The following PRIM2 variants were observed in gnomAD, a reference collection of about 807,000 sequenced individuals.
PRIM2 encodes DNA primase large subunit.
Under a neutral mutation model 67.3 loss-of-function variants are expected in PRIM2, and 39 were observed. The observed-to-expected ratio is 0.58, with a 90% confidence interval of 0.45 to 0.76. The LOEUF is 0.76. PRIM2 is among the 30% of genes least tolerant of loss of function. The pLI is 0.00. For missense variants in PRIM2, 398 were observed against 598.7 expected (o/e 0.66, Z 3.50); for synonymous variants, 143 against 198.7 (o/e 0.72, Z 2.36).
At chr6:57,261,412 T>C in the PRIM2 span, among the ~76,000 whole-genome samples, 1,904 of 152,162 alleles carry the variant, frequency 0.013, 42 homozygotes, top group African/African-American at 0.043. Flanking sequence ...ATACCCAGCT[T>C]CTCCCTTTCT....
At chr6:57,270,572 A>G in the PRIM2 span, among the ~76,000 whole-genome samples, 1 of 152,178 alleles carries the variant, frequency 6.6e-6, no homozygotes, top group Non-Finnish European at 1.5e-5. Context: ...GTCATCTGCA[A>G]ACAGGAACGA....
intron 10 of PRIM2, among the ~76,000 whole-genome samples, chr6:57,598,236 G>A (rs1317999942): frequency 5.9e-5 from 9 of 152,192 alleles, no homozygotes; most frequent in African/African-American, 1.2e-4. Context: ...AGAGATCACC[G>A]AGTGGTAGTT....
At chr6:57,361,759 G>A (rs1453523582) in intron 5 of PRIM2, among the ~76,000 whole-genome samples, 1 of 152,006 alleles carries the variant, frequency 6.6e-6, no homozygotes, top group Non-Finnish European at 1.5e-5. Context: ...TGTGTGTCCA[G>A]CATTGTGTTG....
intron 12 of PRIM2, among the ~76,000 whole-genome samples, chr6:57,623,292 C>T (rs1325359889): frequency 1.3e-5 from 2 of 152,118 alleles, no homozygotes; most frequent in African/African-American, 4.8e-5. Flanking sequence ...TGTGTATATC[C>T]TTCCTTTCTT....
At chr6:57,577,171 T>C (rs2127483516) in intron 10 of PRIM2, among the ~76,000 whole-genome samples, 1 of 152,322 alleles carries the variant, frequency 6.6e-6, no homozygotes, top group African/African-American at 2.4e-5. Context: ...TAGAAGAGAT[T>C]ACTTGTGTTT....
the PRIM2 span, among the ~76,000 whole-genome samples, chr6:57,244,885 A>G: frequency 3.3e-5 from 5 of 152,138 alleles, no homozygotes; most frequent in Non-Finnish European, 7.4e-5. Context: ...CCATGTCTCT[A>G]TGCTTTTATT....
intron 11 of PRIM2, among the ~76,000 whole-genome samples, chr6:57,603,207 G>A (rs1776501520): frequency 6.6e-6 from 1 of 151,976 alleles, no homozygotes; most frequent in African/African-American, 2.4e-5. Flanking sequence ...ATTGTATTTT[G>A]TTTTGTTTTG....
chr6:57,507,866 A>T, intron 8 of PRIM2, among the ~76,000 whole-genome samples: 1 of 152,320 alleles, frequency 6.6e-6, no homozygotes, highest in Non-Finnish European at 1.5e-5. Context: ...GTTAGAAAAT[A>T]CAGGAAAGGA....
At chr6:57,421,049 A>G (rs574665142) in intron 7 of PRIM2, among the ~76,000 whole-genome samples, 1 of 152,318 alleles carries the variant, frequency 6.6e-6, no homozygotes, top group South Asian at 2.1e-4. Flanking sequence ...GAGACAGTGA[A>G]GAAATCTGAA....
At chr6:57,347,631 A>G (rs1011884326) in intron 5 of PRIM2, among the ~76,000 whole-genome samples, 1 of 152,110 alleles carries the variant, frequency 6.6e-6, no homozygotes, top group Non-Finnish European at 1.5e-5. Flanking sequence ...TTTTATAGAA[A>G]TAAGTTCTTA....
intron 5 of PRIM2, among the ~76,000 whole-genome samples, chr6:57,328,962 G>A (rs1265053417): frequency 6.6e-6 from 1 of 152,184 alleles, no homozygotes; most frequent in Non-Finnish European, 1.5e-5. Flanking sequence ...GTGAAGAGAT[G>A]TCTGTTCAAA....
intron 7 of PRIM2, among the ~76,000 whole-genome samples, chr6:57,408,634 G>A (rs562357670): frequency 1.2e-4 from 19 of 152,156 alleles, no homozygotes; most frequent in South Asian, 2.1e-4. Context: ...TTAGAATTCC[G>A]TGTAAATTGA....
the PRIM2 span, among the ~76,000 whole-genome samples, chr6:57,237,986 AG>A: frequency 6.6e-6 from 1 of 152,210 alleles, no homozygotes; most frequent in Non-Finnish European, 1.5e-5. Flanking sequence ...ATAATGGTAA[AG>A]GGATCAATTC....
At chr6:57,439,477 A>G (rs1361157870) in intron 7 of PRIM2, among the ~76,000 whole-genome samples, 1 of 128,950 alleles carries the variant, frequency 7.8e-6, no homozygotes, top group Non-Finnish European at 1.5e-5. Context: ...GTGTAGTGGC[A>G]CCATCACGGC....
intron 7 of PRIM2, among the ~76,000 whole-genome samples, chr6:57,421,533 AT>A (rs1469127544): frequency 3.9e-5 from 6 of 152,218 alleles, no homozygotes; most frequent in African/African-American, 1.4e-4. Flanking sequence ...ATGTTAGAGA[AT>A]TTTAAATGTT....
At chr6:57,453,938 C>G (rs1772656130) in intron 7 of PRIM2, among the ~76,000 whole-genome samples, 1 of 152,090 alleles carries the variant, frequency 6.6e-6, no homozygotes, top group Non-Finnish European at 1.5e-5. Flanking sequence ...ATAGATAGCT[C>G]TTATTATTTT....
intron 10 of PRIM2, among the ~76,000 whole-genome samples, chr6:57,538,671 C>G (rs1775069378): frequency 6.6e-6 from 1 of 152,174 alleles, no homozygotes; most frequent in African/African-American, 2.4e-5. Context: ...GCTTAAAAAA[C>G]GGAAGTTTAT....
At chr6:57,387,609 A>G (rs1770194010) in intron 7 of PRIM2, among the ~76,000 whole-genome samples, 1 of 152,168 alleles carries the variant, frequency 6.6e-6, no homozygotes, top group Admixed American at 6.5e-5. Flanking sequence ...ATTCAAAGGT[A>G]AGTATATTAA....
At chr6:57,269,602 T>C in the PRIM2 span, among the ~76,000 whole-genome samples, 1 of 152,162 alleles carries the variant, frequency 6.6e-6, no homozygotes, top group Non-Finnish European at 1.5e-5. Context: ...CTGATGGTAG[T>C]TTCTTTTGCT....
Sources: allele counts gnomAD v4.1 joint callset (sites outside exome capture counted in the v4.1 genomes callset), GRCh38; gene constraint gnomAD v4.1.1; transcripts MANE v1.5; gene names NCBI Gene and HGNC (gene_info 2026-07-23, HGNC 2026-07-21).